Variants in USP50 observed in about 807,000 individuals in gnomAD.
USP50 encodes the protein ubiquitin carboxyl-terminal hydrolase 50.
A neutral mutation model predicts 39.2 loss-of-function variants in USP50; 37 were observed. That is an observed-to-expected ratio of 0.94 (90% CI 0.73 to 1.24). The LOEUF is 1.24. USP50 is among the 50% of genes most tolerant of loss of function. The pLI is 0.00. For missense variants in USP50, 374 were observed against 398.2 expected, an observed-to-expected ratio of 0.94 and a Z score of 0.52; for synonymous variants, 139 against 144.5, an observed-to-expected ratio of 0.96 and a Z score of 0.27.
downstream of USP50, chr15:50,497,418 C>T (rs2052459487): frequency 3.9e-6 from 2 of 511,934 alleles, no homozygotes; most frequent in Non-Finnish European, 6.2e-6. Context: ...TTCAGTACCA[C>T]AGCAAAATGA....
rs182436916 is a variant in USP50, at chr15:50,522,165, C to T, written c.936+7632G>A. ...AAAAGGCAAGGCATGGTGGCTCATGCCTGTAATCCCAACAGTCTGGGAGGC... is the reference window on the plus strand; with the variant it reads ...AAAAGGCAAGGCATGGTGGCTCATGTCTGTAATCCCAACAGTCTGGGAGGC... On this transcript the variant is annotated intron_variant, in intron 6 of 6. Transcript: ENST00000532404. 1.4e-4 allele frequency among the ~76,000 whole-genome samples: 22 copies of T among 152,048 alleles called. 1 individual carries two copies. The highest frequency in any genetic ancestry group is 5.1e-4 in the African/African-American group (21 of 41,486).
intron 6 of USP50, among the ~76,000 whole-genome samples, chr15:50,518,549 A>G (rs3131606): frequency 0.49 from 74,837 of 151,626 alleles, 18,832 homozygotes; most frequent in East Asian, 0.57. Flanking sequence ...AGAACATACC[A>G]TGGGGAAAGG....
intron 5 of USP50, chr15:50,532,241 G>A: frequency 2.2e-6 from 1 of 456,220 alleles, no homozygotes; most frequent in Non-Finnish European, 4.4e-6. Context: ...GCAAGAAGAA[G>A]GGAAAGAAAC....
At chr15:50,546,349 G>A (rs1053317548) in intron 1 of USP50, 124 bp downstream of exon 1, 2 of 953,478 alleles carry the variant, frequency 2.1e-6, no homozygotes, top group African/African-American at 1.6e-5. Flanking sequence ...TTCCTTTCCG[G>A]GGACCTTCCA....
chr15:50,517,529 G>T (rs1198131065), intron 6 of USP50, among the ~76,000 whole-genome samples: 1 of 151,730 alleles, frequency 6.6e-6, no homozygotes, highest in Non-Finnish European at 1.5e-5. Flanking sequence ...AATCACAATG[G>T]CATTAAACCA....
downstream of USP50, chr15:50,498,602 C>G (rs1421852025): frequency 1.2e-6 from 2 of 1,605,888 alleles, no homozygotes; most frequent in Non-Finnish European, 1.7e-6. Flanking sequence ...GCAGTTTTTC[C>G]TACGATGGCA....
chr15:50,495,657 A>G (rs76586933), downstream of USP50, among the ~76,000 whole-genome samples: 1,132 of 152,236 alleles, frequency 7.4e-3, 22 homozygotes, highest in African/African-American at 0.026. Context: ...CATTCCTTCA[A>G]TAAAGTGAGT....
intron 5 of USP50, among the ~76,000 whole-genome samples, chr15:50,532,440 T>G (rs1186576911): frequency 6.6e-6 from 1 of 152,094 alleles, no homozygotes; most frequent in African/African-American, 2.4e-5. Flanking sequence ...GCAGCGCTTG[T>G]GAAGTTCGTA....
chr15:50,505,821 C>T (rs756075270), intron 6 of USP50: 1 of 152,204 alleles, frequency 6.6e-6, no homozygotes, highest in Non-Finnish European at 1.5e-5. Flanking sequence ...TGGCCATGCA[C>T]AGTAGCATGC....
rs1258593064 is a variant in USP50 at position 50,505,293 on chromosome 15, AAG to A, written c.937-4458_937-4457del. 1.2e-4 allele frequency: 18 copies of A among 152,302 alleles called. No homozygotes were observed. In the East Asian group the frequency reaches 1.4e-3, roughly 11 times the overall value. The allele number at this position is 152,302 out of a possible 1,614,324, so 9.4% of individuals were successfully genotyped here. ...AAGCTTAAAAGCAACCAGAAAGAAA[AAG>A]AGAGTTTACCCACAAGAATCTAACC... On this transcript the variant is annotated intron_variant, in intron 6 of 6. Coordinates refer to ENST00000532404, the MANE Select transcript of USP50 (RefSeq NM_203494.5).
chr15:50,505,465 CTG>C (rs2052646109), intron 6 of USP50: 3 of 152,156 alleles, frequency 2.0e-5, no homozygotes, highest in South Asian at 4.1e-4. Flanking sequence ...TTCTCAAAGA[CTG>C]AGAGACTTCA....
rs913343346 is a variant in USP50 at position 50,532,730 on chromosome 15, C to T, written c.804-2801G>A. On this transcript the variant is annotated intron_variant, in intron 5 of 6. Coordinates refer to ENST00000532404, the MANE Select transcript of USP50 (RefSeq NM_203494.5). ...CTGATCAACACACTAAGGGTTCTAA[C>T]GAATAAAGTAGACAGCATGCAAGAA... Among the ~76,000 whole-genome samples the T allele has an allele frequency of 3.9e-5, 6 of 152,216 alleles. No homozygotes were observed. In the East Asian group the frequency reaches 5.8e-4, roughly 15 times the overall value.
At chr15:50,524,402 TAAGA>T (rs1432848523) in intron 6 of USP50, among the ~76,000 whole-genome samples, 2 of 152,144 alleles carry the variant, frequency 1.3e-5, no homozygotes, top group Non-Finnish European at 2.9e-5. Context: ...CTAAAATATA[TAAGA>T]AACTCAACTC....
chr15:50,541,338 C>T (rs1040397898), intron 3 of USP50, 74 bp from the exon 4 acceptor site: 13 of 1,326,652 alleles, frequency 9.8e-6, no homozygotes, highest in Non-Finnish European at 1.0e-5. Context: ...ATGGTGAGAT[C>T]CCATCTCTAC....
At chr15:50,534,712 T>A (rs1487680340) in intron 5 of USP50, among the ~76,000 whole-genome samples, 11 of 152,124 alleles carry the variant, frequency 7.2e-5, no homozygotes. Context: ...CTATATTAAT[T>A]TCAGACAGAG....
At chr15:50,527,228 G>A (rs73405179) in intron 6 of USP50, among the ~76,000 whole-genome samples, 3,793 of 152,020 alleles carry the variant, frequency 0.025, 192 homozygotes, top group African/African-American at 0.088. Context: ...TTTCTGAGAC[G>A]GAGTCTCGTT....
intron 6 of USP50, among the ~76,000 whole-genome samples, chr15:50,516,274 T>C (rs1264013117): frequency 6.6e-6 from 1 of 152,122 alleles, no homozygotes; most frequent in African/African-American, 2.4e-5. Context: ...CAAATATCAA[T>C]TATTACCTTA....
At chr15:50,532,834 G>A (rs2052951417) in intron 5 of USP50, among the ~76,000 whole-genome samples, 1 of 152,182 alleles carries the variant, frequency 6.6e-6, no homozygotes, top group Admixed American at 6.5e-5. Context: ...AGGTATCCTT[G>A]TTAGTACAGT....
chr15:50,531,891 T>C (rs2052943089), intron 5 of USP50: 1 of 258,792 alleles, frequency 3.9e-6, no homozygotes, highest in Admixed American at 4.4e-5. Flanking sequence ...AAGGAAAGAA[T>C]TAACCGAAAG....
Sources: allele counts gnomAD v4.1 joint callset (sites outside exome capture counted in the v4.1 genomes callset), GRCh38; gene constraint gnomAD v4.1.1; transcripts MANE v1.5; gene names NCBI Gene and HGNC (gene_info 2026-07-23, HGNC 2026-07-21).